The following SMAD2 variants were observed in gnomAD, a reference collection of about 807,000 sequenced individuals.
SMAD2 encodes the protein MAD homolog 2.
A neutral mutation model predicts 64.4 loss-of-function variants in SMAD2; 8 were observed. That is an observed-to-expected ratio of 0.12 (90% confidence interval 0.07 to 0.22). The LOEUF (loss-of-function observed/expected upper bound fraction) is 0.22, where lower values mean the gene tolerates loss of function less well. Ranked by LOEUF, SMAD2 falls within the 10% of genes least tolerant of loss-of-function variation. The probability of loss-of-function intolerance (pLI) is 1.00; values close to 1 mark genes in which losing one functional copy is unlikely to be tolerated. For missense variants in SMAD2, 289 were observed against 561.2 expected (o/e 0.51, Z 4.90); for synonymous variants, 203 against 195.8 (o/e 1.04, Z -0.31).
intron 1 of SMAD2, chr18:47,920,314 C>A (rs1488218989): frequency 6.6e-6 from 1 of 152,226 alleles, no homozygotes; most frequent in East Asian, 1.9e-4. Context: ...AAGATGAAAT[C>A]ATAATTTAAT....
intron 6 of SMAD2, among the ~76,000 whole-genome samples, chr18:47,859,396 T>C (rs1158142880): frequency 2.6e-5 from 4 of 152,188 alleles, no homozygotes; most frequent in Admixed American, 2.0e-4. Context: ...TATATGGAAC[T>C]CTTATCAAGA....
chr18:47,908,810 A>G (rs768649498), intron 1 of SMAD2, among the ~76,000 whole-genome samples: 12 of 152,204 alleles, frequency 7.9e-5, no homozygotes, highest in Non-Finnish European at 1.5e-4. Context: ...TCTCCAGTAA[A>G]TTATCACAGT....
chr18:47,912,130 C>T (rs2048751340), intron 1 of SMAD2: 1 of 152,156 alleles, frequency 6.6e-6, no homozygotes, highest in African/African-American at 2.4e-5. Flanking sequence ...TTTCTAAAGA[C>T]AGGAAACGTT....
intron 2 of SMAD2, among the ~76,000 whole-genome samples, chr18:47,873,801 C>T (rs1448685804): frequency 6.6e-6 from 1 of 152,054 alleles, no homozygotes; most frequent in Non-Finnish European, 1.5e-5. Context: ...GGCTGTGTAC[C>T]CAAGGGCACT....
rs983596789 is a variant in SMAD2, at chr18:47,818,471, T to C, written c.*23356A>G. ...CAAAATCTTGAGCTCAGGGCAATAA[T>C]ATAAGGTATCTCTGGTATAGCATAA... On this transcript the variant is annotated 3_prime_UTR_variant, in exon 11 of 11. Coordinates refer to ENST00000262160, the MANE Select transcript of SMAD2 (RefSeq NM_005901.6). 6.6e-6 allele frequency: 1 copy of C among 152,192 alleles called. No individual in the cohort carries two copies. Among genetic ancestry groups the C allele is most frequent in the Non-Finnish European group, 1.5e-5 (1 of 68,028 alleles). The allele number at this position is 152,192 out of a possible 1,614,324, so 9.4% of individuals were successfully genotyped here.
rs1172327070 is a variant in SMAD2, at chr18:47,853,758, TCACAAATCTGCTGGC to T, written c.731-2446_731-2432del. Among the ~76,000 whole-genome samples, 9 of 29,002 alleles carry T rather than the reference TCACAAATCTGCTGGC, an allele frequency of 3.1e-4. No homozygotes were observed. In the Admixed American group the frequency reaches 4.2e-3, roughly 14 times the overall value. The allele number at this position is 29,002 out of a possible 152,430, so 19.0% of individuals were successfully genotyped here. ...TCAGTTTGAAAAATCTGCTGGCAAG[TCACAAATCTGCTGGC>T]AAGTCACAAATCTGCTGGCAAGTCA... On this transcript the variant is annotated intron_variant, in intron 6 of 10. Transcript: ENST00000262160.
chr18:47,852,770 C>T (rs1194974913), intron 6 of SMAD2, among the ~76,000 whole-genome samples: 3 of 151,900 alleles, frequency 2.0e-5, no homozygotes, highest in African/African-American at 4.8e-5. Context: ...GGTAAACAGG[C>T]TAAATCTAAT....
At chr18:47,916,853 T>C (rs2034357696) in intron 1 of SMAD2, among the ~76,000 whole-genome samples, 1 of 152,266 alleles carries the variant, frequency 6.6e-6, no homozygotes, top group Non-Finnish European at 1.5e-5. Context: ...CTTGCAGTTT[T>C]AAAATCTCAG....
intron 2 of SMAD2, among the ~76,000 whole-genome samples, chr18:47,877,326 T>C (rs1047491313): frequency 7.2e-5 from 11 of 152,156 alleles, no homozygotes; most frequent in African/African-American, 2.4e-4. Context: ...TCTACTCATT[T>C]AATACAGACT....
At chr18:47,890,660 C>T (rs2033147290) in intron 2 of SMAD2, among the ~76,000 whole-genome samples, 1 of 152,206 alleles carries the variant, frequency 6.6e-6, no homozygotes, top group Non-Finnish European at 1.5e-5. Flanking sequence ...CTAGGATCTA[C>T]ATTCATCAAT....
At chr18:47,895,817 C>A (rs1368518128) in intron 2 of SMAD2, 1 of 152,626 alleles carries the variant, frequency 6.6e-6, no homozygotes, top group Non-Finnish European at 1.5e-5. Flanking sequence ...CACGGTATGA[C>A]ACTGCAAACT....
chr18:47,876,889 C>CT (rs972965734), intron 2 of SMAD2, among the ~76,000 whole-genome samples: 4 of 151,960 alleles, frequency 2.6e-5, no homozygotes, highest in African/African-American at 9.7e-5. Context: ...CAATTTACTA[C>CT]TTTTTTTGCG....
intron 1 of SMAD2, among the ~76,000 whole-genome samples, chr18:47,902,625 T>TTA (rs1310994083): frequency 2.0e-5 from 3 of 152,158 alleles, no homozygotes; most frequent in African/African-American, 7.2e-5. Context: ...GACTATATAC[T>TTA]TAAAAAGTAT....
At chr18:47,928,874 T>C (rs536341404) in intron 1 of SMAD2, among the ~76,000 whole-genome samples, 27 of 152,324 alleles carry the variant, frequency 1.8e-4, no homozygotes, top group African/African-American at 6.0e-4. Context: ...CTCAATTAAA[T>C]CCAGCAGAGT....
chr18:47,866,044 C>T (rs1164796553), intron 5 of SMAD2, among the ~76,000 whole-genome samples: 4 of 152,008 alleles, frequency 2.6e-5, no homozygotes, highest in Non-Finnish European at 5.9e-5. Flanking sequence ...AGGCCAGGCG[C>T]GGTGGCTTAT....
At chr18:47,842,049 T>G in intron 10 of SMAD2, 99 bp from the exon 11 acceptor site, 1 of 1,335,262 alleles carries the variant, frequency 7.5e-7, no homozygotes, top group Non-Finnish European at 1.1e-6. Flanking sequence ...TTACAGAAAT[T>G]AAAAGGTTGT....
chr18:47,878,559 G>A (rs960274048), intron 2 of SMAD2: 1 of 152,160 alleles, frequency 6.6e-6, no homozygotes. Context: ...GAGTTCAGGA[G>A]TTTCAGGCCA....
Position 47,820,410 on chromosome 18 carries a change from T to C in SMAD2, c.*21417A>G, listed in dbSNP as rs949143031. On this transcript the variant is annotated 3_prime_UTR_variant, in exon 11 of 11. Coordinates refer to ENST00000262160, the MANE Select transcript of SMAD2 (RefSeq NM_005901.6). ...TGAGAAAAGTTATAAGGCATAAAAATTGCTTTTTATTGGGAAAAAAGTTGT... is the reference window on the plus strand; with the variant it reads ...TGAGAAAAGTTATAAGGCATAAAAACTGCTTTTTATTGGGAAAAAAGTTGT... 4 of 152,142 alleles carry C rather than the reference T, an allele frequency of 2.6e-5. No homozygotes were observed. Among genetic ancestry groups the C allele is most frequent in the African/African-American group, 4.8e-5 (2 of 41,436 alleles). 9.4% of individuals were successfully genotyped at this position (152,142 alleles called of 1,614,324 possible). A position where few individuals can be genotyped will look rare whatever the true frequency, so the allele number is the denominator to read the frequency against.
intron 10 of SMAD2, chr18:47,844,938 G>C: frequency 2.8e-6 from 1 of 354,510 alleles, no homozygotes; most frequent in South Asian, 5.3e-5. Flanking sequence ...CTATTGTCAA[G>C]ATTATCACTT....
Sources: gnomAD v4.1 joint callset for allele counts (sites outside exome capture counted in the v4.1 genomes callset) on GRCh38, gnomAD v4.1.1 for gene constraint, MANE v1.5 for transcripts, NCBI Gene and HGNC (gene_info 2026-07-23, HGNC 2026-07-21) for gene names.